The following GPM6A variants were observed in gnomAD, a reference collection of about 807,000 sequenced individuals.
GPM6A encodes the protein glycoprotein M6A.
Under a neutral mutation model 32.1 loss-of-function variants are expected in GPM6A, and 7 were observed. The ratio of observed to expected loss-of-function variants is 0.22; its 90% CI spans 0.12 to 0.41. The LOEUF (loss-of-function observed/expected upper bound fraction) is 0.41. Ranked by LOEUF, GPM6A falls within the 10% of genes least tolerant of loss-of-function variation. The pLI is 1.00. For missense variants in GPM6A, 235 were observed against 347.2 expected (o/e 0.68, Z 2.57); for synonymous variants, 130 against 123.4 (o/e 1.05, Z -0.35).
At chr4:175,703,598 G>A (rs1398277923) in intron 1 of GPM6A, among the ~76,000 whole-genome samples, 1 of 152,168 alleles carries the variant, frequency 6.6e-6, no homozygotes, top group Non-Finnish European at 1.5e-5. Flanking sequence ...ACAGCTTTAA[G>A]CATTTAAACT....
chr4:175,985,189 A>G (rs943978726), intron 1 of GPM6A, among the ~76,000 whole-genome samples: 1 of 152,202 alleles, frequency 6.6e-6, no homozygotes, highest in African/African-American at 2.4e-5. Context: ...ATCTATATCT[A>G]TATATGTACA....
chr4:175,879,627 CA>C (rs2111454649), intron 1 of GPM6A, among the ~76,000 whole-genome samples: 1 of 152,254 alleles, frequency 6.6e-6, no homozygotes, highest in Admixed American at 6.5e-5. Flanking sequence ...ACCCTTGACA[CA>C]TGAGGATTAT....
intron 1 of GPM6A, among the ~76,000 whole-genome samples, chr4:175,784,003 T>G (rs1246514175): frequency 6.6e-6 from 1 of 152,114 alleles, no homozygotes; most frequent in Non-Finnish European, 1.5e-5. Flanking sequence ...TCTCACTTTT[T>G]TAACATACAT....
At chr4:175,893,946 G>T (rs1035860120) in intron 1 of GPM6A, among the ~76,000 whole-genome samples, 4 of 152,196 alleles carry the variant, frequency 2.6e-5, no homozygotes, top group Non-Finnish European at 5.9e-5. Context: ...TGAGAGAGCT[G>T]CACACCTCAC....
At chr4:175,952,759 A>G (rs1011285338) in intron 1 of GPM6A, among the ~76,000 whole-genome samples, 11 of 152,106 alleles carry the variant, frequency 7.2e-5, no homozygotes, top group African/African-American at 2.7e-4. Flanking sequence ...GAAAGCAGAA[A>G]TCCGGTGGGG....
chr4:175,745,589 C>T (rs1430860913), intron 1 of GPM6A, among the ~76,000 whole-genome samples: 1 of 152,114 alleles, frequency 6.6e-6, no homozygotes, highest in Non-Finnish European at 1.5e-5. Flanking sequence ...AGTCTTCCAA[C>T]CAGGATGACA....
rs183898381 is a variant in GPM6A, at chr4:175,903,489, A to T, written c.-22-91240T>A. On this transcript the variant is annotated intron_variant, in intron 1 of 7. Coordinates refer to the GPM6A transcript ENST00000280187. ...CAAAGTATCTCCCCACAAACTACTT[A>T]CTAATTACAAAGGGGAAAAGGAATA... Among the ~76,000 whole-genome samples, 3 of 152,292 alleles carry T rather than the reference A, an allele frequency of 2.0e-5. No individual in the cohort carries two copies. In the East Asian group the frequency reaches 5.8e-4, roughly 29 times the overall value.
intron 1 of GPM6A, among the ~76,000 whole-genome samples, chr4:175,995,504 G>C (rs78094225): frequency 0.011 from 1,612 of 152,120 alleles, 55 homozygotes; most frequent in Admixed American, 0.062. Context: ...TGTAATGAGT[G>C]GCTAAGTCAG....
At chr4:175,837,273 A>G (rs79496743) in intron 1 of GPM6A, among the ~76,000 whole-genome samples, 3 of 152,034 alleles carry the variant, frequency 2.0e-5, no homozygotes, top group East Asian at 3.9e-4. Flanking sequence ...GAAAGAACCA[A>G]CCTGCCTACA....
At chr4:175,954,512 G>C (rs1311823798) in intron 1 of GPM6A, among the ~76,000 whole-genome samples, 1 of 152,146 alleles carries the variant, frequency 6.6e-6, no homozygotes, top group African/African-American at 2.4e-5. Context: ...GAGGACAGTG[G>C]CTAGCAAATA....
chr4:175,969,626 T>A (rs748793062), intron 1 of GPM6A, among the ~76,000 whole-genome samples: 6 of 151,934 alleles, frequency 3.9e-5, no homozygotes, highest in Non-Finnish European at 8.8e-5. Flanking sequence ...CAGGAGAATC[T>A]CTTGAACCCG....
chr4:175,823,820 A>T (rs2111353651), intron 1 of GPM6A, among the ~76,000 whole-genome samples: 1 of 152,348 alleles, frequency 6.6e-6, no homozygotes, highest in Non-Finnish European at 1.5e-5. Flanking sequence ...CAAAAAAGAA[A>T]ACTCAGACTG....
At chr4:175,937,155 TA>T (rs1739267415) in intron 1 of GPM6A, among the ~76,000 whole-genome samples, 1 of 152,116 alleles carries the variant, frequency 6.6e-6, no homozygotes, top group African/African-American at 2.4e-5. Flanking sequence ...TTAAAATTAT[TA>T]ATGTGCTTCT....
At chr4:175,874,669 G>A (rs1328354625) in intron 1 of GPM6A, among the ~76,000 whole-genome samples, 1 of 152,154 alleles carries the variant, frequency 6.6e-6, no homozygotes, top group Non-Finnish European at 1.5e-5. Context: ...CATGAGAAAA[G>A]AGAGGCTGTA....
intron 1 of GPM6A, chr4:175,962,037 A>G (rs1452617336): frequency 1.6e-5 from 11 of 670,266 alleles, no homozygotes; most frequent in Non-Finnish European, 3.0e-5. Flanking sequence ...CTCAGGCCTT[A>G]CTTAAGAAAT....
intron 1 of GPM6A, chr4:176,002,233 T>G: frequency 3.5e-6 from 5 of 1,448,986 alleles, no homozygotes; most frequent in Non-Finnish European, 4.8e-6. Context: ...CCGAGGAACA[T>G]TCATTTTCTT....
At chr4:175,841,862 G>C (rs1735946623) in intron 1 of GPM6A, among the ~76,000 whole-genome samples, 1 of 152,076 alleles carries the variant, frequency 6.6e-6, no homozygotes, top group South Asian at 2.1e-4. Flanking sequence ...GATATGATCT[G>C]ACATTGCTTA....
At chr4:175,899,969 A>C (rs1343613045) in intron 1 of GPM6A, among the ~76,000 whole-genome samples, 1 of 152,114 alleles carries the variant, frequency 6.6e-6, no homozygotes, top group Non-Finnish European at 1.5e-5. Context: ...CAAACTACCC[A>C]TCTGACACAG....
chr4:175,884,191 G>T (rs1737371873), intron 1 of GPM6A, among the ~76,000 whole-genome samples: 1 of 152,114 alleles, frequency 6.6e-6, no homozygotes. Flanking sequence ...TTCAATTTGG[G>T]TTAATAGAAC....
Sources: allele counts gnomAD v4.1 joint callset (sites outside exome capture counted in the v4.1 genomes callset), GRCh38; gene constraint gnomAD v4.1.1; transcripts MANE v1.5; gene names NCBI Gene and HGNC (gene_info 2026-07-23, HGNC 2026-07-21).